The following PNN variants were observed in gnomAD, a reference collection of about 807,000 sequenced individuals.
PNN encodes pinin, desmosome associated protein.
PNN carries 38 observed loss-of-function variants against 76.6 expected under a neutral mutation model. That is an observed-to-expected ratio of 0.50 (90% CI 0.38 to 0.65). The LOEUF (loss-of-function observed/expected upper bound fraction) is 0.65. Among genes scored for constraint, PNN ranks in the 30% least tolerant of loss-of-function variants. PNN has a pLI of 0.00. For missense variants in PNN, 873 were observed against 874.1 expected (o/e 1.00, Z 0.02); for synonymous variants, 366 against 283.7 (o/e 1.29, Z -2.91).
chr14:39,180,102 C>T (rs542290177), intron 8 of PNN, among the ~76,000 whole-genome samples: 1 of 152,112 alleles, frequency 6.6e-6, no homozygotes, highest in African/African-American at 2.4e-5. Flanking sequence ...AAAACCAACT[C>T]AGTTTCTAGA....
In PNN at chr14:39,180,731, A is replaced by T. The variant is rs1302525745; in HGVS notation, c.1022A>T (p.Glu341Val). Residue 341 changes from glutamate to valine, a missense_variant, in exon 9 of 9, where the codon GAA becomes GTA. Glu to Val is a moderately radical substitution (Grantham distance 121). Transcript: ENST00000216832. ...GAAGCAGGAGAGGAAGAGGAAAAGG[A>T]AATAGCGATTGTTCATAGTGATGCA... Reference protein sequence around the residue: ...IEEAGEEEEKEIAIVHSDAEK... With the variant: ...IEEAGEEEEKVIAIVHSDAEK... 1 of 1,596,692 alleles carries T rather than the reference A, an allele frequency of 6.3e-7. No homozygotes were observed. Among genetic ancestry groups the T allele is most frequent in the Admixed American group, 1.8e-5 (1 of 56,914 alleles).
At position 39,180,975 on chromosome 14, in the gene PNN, C is replaced by A. The variant is rs1301870835; in HGVS notation, c.1266C>A (p.Ser422Arg). 6.2e-7 allele frequency: 1 copy of A among 1,613,262 alleles called. No homozygotes were observed. Among genetic ancestry groups the A allele is most frequent in the African/African-American group, 1.3e-5 (1 of 74,808 alleles). Residue 422 changes from serine to arginine, a missense_variant, in exon 9 of 9, where the codon AGC becomes AGA. Physicochemically the swap from Ser to Arg is moderately radical, Grantham distance 110. Around this residue, in one of 3 missense-constraint regions of PNN, gnomAD observed 712 missense variants for 693.1 expected, o/e 1.03. Transcript: ENST00000216832. ...ESVEPSENEA[S>R]KELEPEMEFE... ...TAGAACCTTCAGAAAATGAAGCTAG[C>A]AAAGAATTGGAACCAGAAATGGAAT...
intron 3 of PNN, among the ~76,000 whole-genome samples, 170 bp from the exon 4 acceptor site, chr14:39,177,242 C>T (rs533893880): frequency 2.9e-4 from 44 of 152,262 alleles, no homozygotes; most frequent in Non-Finnish European, 4.9e-4. Context: ...AAAAGTTACC[C>T]AGGCATGCTG....
At position 39,182,780 on chromosome 14, in the gene PNN, C is replaced by G. The variant is rs113767289; in HGVS notation, c.*917C>G. 1.3e-5 allele frequency: 2 copies of G among 152,566 alleles called. No homozygotes were observed. Among genetic ancestry groups the G allele is most frequent in the Non-Finnish European group, 2.9e-5 (2 of 68,024 alleles). 9.5% of individuals were successfully genotyped at this position (152,566 alleles called of 1,614,324 possible). A position where few individuals can be genotyped will look rare whatever the true frequency, so the allele number is the denominator to read the frequency against. ...GTTTAAGGAAGTATTGTATGGAAGT[C>G]CACAAAATGAAGGAAGTTCATCTAG... is the stretch of plus-strand genomic sequence containing the variant. On this transcript the variant is annotated 3_prime_UTR_variant, in exon 9 of 9. Transcript: ENST00000216832.
In PNN at chr14:39,176,166, ACT is replaced by A; in HGVS notation, c.185+18_185+19del. On this transcript the variant is annotated intron_variant, in intron 2 of 8. Coordinates refer to ENST00000216832, the MANE Select transcript of PNN (RefSeq NM_002687.4). ...ATTACTGAGGTAAGATTTCCTTTGG[ACT>A]TTACTCATGCTGAAACTACTGGTAC... 4 of 1,448,936 alleles carry A rather than the reference ACT, an allele frequency of 2.8e-6. No individual in the cohort carries two copies. In the African/African-American group the frequency reaches 5.6e-5, roughly 20 times the overall value. 89.8% of individuals were successfully genotyped at this position (1,448,936 alleles called of 1,614,324 possible). A position where few individuals can be genotyped will look rare whatever the true frequency, so the allele number is the denominator to read the frequency against.
chr14:39,181,585 A>G lies in PNN; in HGVS notation c.1876A>G (p.Ser626Gly). The G allele has an allele frequency of 6.2e-7, 1 of 1,612,990 alleles. No homozygotes were observed. The change falls in exon 9 of 9, where the codon AGT becomes GGT. Residue 626 changes from serine to glycine, a missense_variant. Coordinates refer to ENST00000216832, the MANE Select transcript of PNN (RefSeq NM_002687.4). ...SSSRDSSSST[S>G]SSSESRSRSR... ...CAGCAGAGATAGTAGCAGTAGCACT[A>G]GTAGTAGTAGTGAGAGTAGAAGTCG...
intron 6 of PNN, among the ~76,000 whole-genome samples, 195 bp downstream of exon 6, chr14:39,178,111 A>G (rs898118105): frequency 3.9e-5 from 6 of 152,144 alleles, no homozygotes; most frequent in Admixed American, 3.3e-4. Context: ...AGTTGTTGAT[A>G]TCATAGCTAA....
In PNN at chr14:39,181,261, C is replaced by G. The variant is rs2053267522; in HGVS notation, c.1552C>G (p.Gln518Glu). The G allele has an allele frequency of 6.2e-7, 1 of 1,614,138 alleles. No individual in the cohort carries two copies. Among genetic ancestry groups the G allele is most frequent in the South Asian group, 1.1e-5 (1 of 91,082 alleles). ...AVLQPTPQVT[Q>E]EQGHLLPERK... Reference sequence around the variant, plus strand: ...TTTACAGCCAACACCCCAAGTTACTCAGGAGCAAGGGCATTTACTACCTGA... The same window carrying G: ...TTTACAGCCAACACCCCAAGTTACTGAGGAGCAAGGGCATTTACTACCTGA... Residue 518 changes from glutamine (Q) to glutamate (E), a missense_variant, in exon 9 of 9, where the codon CAG (glutamine) becomes GAG (glutamate). This residue lies in a region of PNN where 712 missense variants were observed against 693.1 expected (regional missense o/e 1.03). Transcript: ENST00000216832.
In PNN at chr14:39,181,019, A is replaced by G. The variant is rs375736129; in HGVS notation, c.1310A>G (p.Lys437Arg). 5 of 1,612,772 alleles carry G rather than the reference A, an allele frequency of 3.1e-6. No homozygotes were observed. Residue 437 changes from lysine to arginine, a missense_variant, in exon 9 of 9, where the codon AAA becomes AGA. Physicochemically the swap from Lys to Arg is conservative, Grantham distance 26. This residue lies in a region of PNN where 712 missense variants were observed against 693.1 expected (regional missense o/e 1.03). Coordinates refer to ENST00000216832, the MANE Select transcript of PNN (RefSeq NM_002687.4). ...PEMEFEIEPDKECKTLSPGKE... is the reference protein window; with the variant it reads ...PEMEFEIEPDRECKTLSPGKE... ...ATGGAATTTGAAATTGAGCCAGATA[A>G]AGAATGTAAAACCCTTTCTCCTGGG...
In PNN at chr14:39,177,427, T is replaced by G; in HGVS notation, c.270T>G (p.Arg90=). 1 of 1,613,960 alleles carries G rather than the reference T, an allele frequency of 6.2e-7. No individual in the cohort carries two copies. ...TCTATGACAGGCTGGGCGGGGAGCG[T>G]CGGACCAGAAGAGAATCACGCCAGG... ...EGAVSRLGGE[R]RTRRESRQES... The change falls in exon 4 of 9, where the codon CGT becomes CGG. Residue 90 remains arginine (R), a synonymous_variant. Coordinates refer to ENST00000216832, the MANE Select transcript of PNN (RefSeq NM_002687.4).
Position 39,179,075 on chromosome 14 carries a change from G to A in PNN, c.499-16G>A, listed in dbSNP as rs1038310417. ...TTTCAACACGTAAGTATTAAAGCAG[G>A]CTACTTAACTTTTAGCAAAAGCGGC... On this transcript the variant is annotated splice_polypyrimidine_tract_variant and intron_variant, in intron 6 of 8. Coordinates refer to ENST00000216832, the MANE Select transcript of PNN (RefSeq NM_002687.4). 1.2e-6 allele frequency: 2 copies of A among 1,604,864 alleles called. No homozygotes were observed. The highest frequency in any genetic ancestry group is 1.1e-5 in the South Asian group (1 of 89,390).
Position 39,181,570 on chromosome 14 carries a change from A to C in PNN, c.1861A>C (p.Ser621Arg). ...SSTSGSSSRDSSSSTSSSSES... is the reference protein window; with the variant it reads ...SSTSGSSSRDRSSSTSSSSES... ...TACAAGTGGCAGCAGCAGCAGAGAT[A>C]GTAGCAGTAGCACTAGTAGTAGTAG... The change falls in exon 9 of 9, where the codon AGT (serine) becomes CGT (arginine). Residue 621 changes from serine (S) to arginine (R), a missense_variant. Ser to Arg is a moderately radical substitution (Grantham distance 110, BLOSUM62 -1). Around this residue, in one of 3 missense-constraint regions of PNN, gnomAD observed 712 missense variants for 693.1 expected, o/e 1.03. Transcript: ENST00000216832. 1 of 1,613,160 alleles carries C rather than the reference A, an allele frequency of 6.2e-7. No individual in the cohort carries two copies. The highest frequency in any genetic ancestry group is 8.5e-7 in the Non-Finnish European group (1 of 1,179,432).
intron 6 of PNN, 88 bp downstream of exon 6, chr14:39,178,004 T>G: frequency 2.3e-6 from 2 of 875,280 alleles, no homozygotes; most frequent in South Asian, 3.0e-5. Flanking sequence ...TTAAAGCTCT[T>G]TTAAGACCTA....
intron 2 of PNN, 27 bp downstream of exon 2, chr14:39,176,176 T>C: frequency 8.0e-7 from 1 of 1,244,956 alleles, no homozygotes; most frequent in Non-Finnish European, 1.2e-6. Context: ...ACTTTACTCA[T>C]GCTGAAACTA....
chr14:39,182,119 T>C lies in PNN; in HGVS notation c.*256T>C. On this transcript the variant is annotated 3_prime_UTR_variant, in exon 9 of 9. Transcript: ENST00000216832. ...AATAAAAAAAGATTAACATCCCTTG[T>C]CATCTTTTTTAAATATCCTATACTC... 2 of 353,470 alleles carry C rather than the reference T, an allele frequency of 5.7e-6. No individual in the cohort carries two copies. The highest frequency in any genetic ancestry group is 5.7e-5 in the East Asian group (1 of 17,432). 21.9% of individuals were successfully genotyped at this position (353,470 alleles called of 1,614,324 possible).
chr14:39,180,211 G>A (rs975331239), intron 8 of PNN, among the ~76,000 whole-genome samples: 2 of 152,096 alleles, frequency 1.3e-5, no homozygotes, highest in African/African-American at 4.8e-5. Flanking sequence ...AACTGGTTCT[G>A]TTTTACAGAA....
rs1303522461 is a variant in PNN at position 39,182,706 on chromosome 14, TTG to T, written c.*847_*848del. 6.6e-6 allele frequency: 1 copy of T among 152,660 alleles called. No individual in the cohort carries two copies. Among genetic ancestry groups the T allele is most frequent in the Non-Finnish European group, 1.5e-5 (1 of 68,040 alleles). 9.5% of individuals were successfully genotyped at this position (152,660 alleles called of 1,614,324 possible). A position where few individuals can be genotyped will look rare whatever the true frequency, so the allele number is the denominator to read the frequency against. ...TTTGAGTTTGTGTCTTGTCTTAACT[TTG>T]TGTTGGCTCTAACTTAAACATGCTG... On this transcript the variant is annotated 3_prime_UTR_variant, in exon 9 of 9. Coordinates refer to ENST00000216832, the MANE Select transcript of PNN (RefSeq NM_002687.4).
rs61670617 is a variant in PNN, at chr14:39,178,724, G to GAAAAA, written c.499-349_499-345dup. ...CGGCCTGCAGATACCTTTACATAGT[G>GAAAAA]AAAAAAAAAAAAAAAAAAAAAATTT... On this transcript the variant is annotated intron_variant, in intron 6 of 8. Transcript: ENST00000216832. Among the ~76,000 whole-genome samples, 32 of 114,180 alleles carry GAAAAA rather than the reference G, an allele frequency of 2.8e-4. 1 individual carries two copies. The highest frequency in any genetic ancestry group is 1.1e-3 in the African/African-American group (32 of 29,782). The allele number at this position is 114,180 out of a possible 152,430, so 74.9% of individuals were successfully genotyped here.
chr14:39,177,197 TA>T (rs1489123980), intron 3 of PNN, among the ~76,000 whole-genome samples: 2 of 152,108 alleles, frequency 1.3e-5, no homozygotes, highest in Non-Finnish European at 2.9e-5. Flanking sequence ...ACAGCCTAGA[TA>T]CATGGTGAAA....
Sources: gnomAD v4.1 joint callset for allele counts (sites outside exome capture counted in the v4.1 genomes callset) on GRCh38, gnomAD v4.1.1 for gene constraint, gnomAD v4.1.1 regional missense constraint, MANE v1.5 for transcripts, NCBI Gene and HGNC (gene_info 2026-07-23, HGNC 2026-07-21) for gene names.